Variants in TMPRSS9 observed in about 807,000 individuals in gnomAD.
TMPRSS9 encodes the protein transmembrane serine protease 9, also known as transmembrane protease serine 9.
Under a neutral mutation model 111.4 loss-of-function variants are expected in TMPRSS9, and 113 were observed. That is an observed-to-expected ratio of 1.01 (90% CI 0.87 to 1.19). The LOEUF (loss-of-function observed/expected upper bound fraction) is 1.19, where lower values mean the gene tolerates loss of function less well. Among genes scored for constraint, TMPRSS9 ranks in the 50% most tolerant of loss-of-function variants. TMPRSS9 has a pLI of 0.00. For synonymous variants in TMPRSS9, 805 were observed against 659.1 expected (o/e 1.22, Z -3.39); for missense variants, 1,803 against 1,513.1 (o/e 1.19, Z -3.18).
intron 7 of TMPRSS9, among the ~76,000 whole-genome samples, chr19:2,407,513 C>T (rs531498400): frequency 2.0e-5 from 3 of 151,288 alleles, no homozygotes; most frequent in African/African-American, 7.3e-5. Context: ...GGAGACAGAG[C>T]GAGACTCTGT....
exon 2 of TMPRSS9, chr19:2,396,615 G>T (rs1211921109): frequency 5.6e-6 from 9 of 1,603,914 alleles, no homozygotes; most frequent in Non-Finnish European, 7.7e-6. Flanking sequence ...GCAGTTTGCG[G>T]CGGGAGACCT....
chr19:2,410,667 G>A (rs545737759), intron 9 of TMPRSS9, among the ~76,000 whole-genome samples: 16 of 152,208 alleles, frequency 1.1e-4, no homozygotes, highest in Non-Finnish European at 2.2e-4. Flanking sequence ...TCCCTCCTCT[G>A]CCCTCCATGG....
rs371929865 is a variant in TMPRSS9, at chr19:2,425,460, C to T, written c.3087C>T (p.Ala1029=). 1.2e-4 allele frequency: 187 copies of T among 1,591,826 alleles called. No homozygotes were observed. In the African/African-American group the frequency reaches 2.1e-3, roughly 18 times the overall value. Residue 1029 remains alanine, a synonymous_variant, in exon 17 of 18, where the codon GCC becomes GCT. Transcript: ENST00000648592. ...AGATCAGCAGCCGCATGCTGTGTGCCGGCTTCCCGCAGGGTGGCGTGGACA... is the reference window on the plus strand; with the variant it reads ...AGATCAGCAGCCGCATGCTGTGTGCTGGCTTCCCGCAGGGTGGCGTGGACA...
upstream of TMPRSS9, among the ~76,000 whole-genome samples, chr19:2,388,039 A>G (rs753687626): frequency 2.7e-4 from 41 of 152,164 alleles, no homozygotes; most frequent in Non-Finnish European, 4.6e-4. Context: ...GGAGTTGTTG[A>G]TGAGTGTGAC....
intron 10 of TMPRSS9, 134 bp from the exon 12 acceptor site, chr19:2,415,536 C>G: frequency 2.3e-6 from 2 of 852,922 alleles, no homozygotes; most frequent in Non-Finnish European, 3.4e-6. Flanking sequence ...GCCTCCACGG[C>G]TTCTTGTGTG....
At chr19:2,417,207 T>A (rs1167344050) in intron 12 of TMPRSS9, among the ~76,000 whole-genome samples, 2 of 152,176 alleles carry the variant, frequency 1.3e-5, no homozygotes, top group Non-Finnish European at 2.9e-5. Context: ...GGCTCACACC[T>A]GTAATCCCAG....
chr19:2,425,117 A>G lies in TMPRSS9; in HGVS notation c.2833A>G (p.Thr945Ala), dbSNP rs149739898. ...CAAGCACCCGTTCTACAATCTCTAC[A>G]CGCTCGACTACGACGTGGCGCTGCT... The change falls in exon 16 of 18, where the codon ACG (threonine) becomes GCG (alanine). Residue 945 changes from threonine to alanine, a missense_variant. Physicochemically the swap from Thr to Ala is moderately conservative, Grantham distance 58. Coordinates refer to ENST00000648592, the Ensembl canonical transcript of TMPRSS9. 47 of 1,581,918 alleles carry G rather than the reference A, an allele frequency of 3.0e-5. No individual in the cohort carries two copies. The highest frequency in any genetic ancestry group is 8.1e-5 in the African/African-American group (6 of 73,960).
chr19:2,384,292 C>T (rs1970427179), intron 1 of TMPRSS9, among the ~76,000 whole-genome samples: 1 of 152,164 alleles, frequency 6.6e-6, no homozygotes, highest in Non-Finnish European at 1.5e-5. Flanking sequence ...AGGTGATCCC[C>T]CACCCTCTGC....
At chr19:2,379,626 T>TTTCTTTCC (rs1491356150) in intron 1 of TMPRSS9, among the ~76,000 whole-genome samples, 2 of 139,856 alleles carry the variant, frequency 1.4e-5, no homozygotes, top group Admixed American at 7.2e-5. Context: ...TCTTTCTTTC[T>TTTCTTTCC]TTCTTTCTTT....
rs755529506 is a variant in TMPRSS9, at chr19:2,425,444, G to A, written c.3071G>A (p.Ser1024Asn). The change falls in exon 17 of 18, where the codon AGC (serine) becomes AAC (asparagine). Residue 1024 changes from serine to asparagine, a missense_variant. Ser to Asn is a conservative substitution (Grantham distance 46). Transcript: ENST00000648592. ...CGCTTCTACCCAGTGCAGATCAGCA[G>A]CCGCATGCTGTGTGCCGGCTTCCCG... The A allele has an allele frequency of 3.1e-6, 5 of 1,591,684 alleles. No individual in the cohort carries two copies. In the South Asian group the frequency reaches 4.5e-5, roughly 14 times the overall value.
chr19:2,416,198 A>G, intron 11 of TMPRSS9: 1 of 427,502 alleles, frequency 2.3e-6, no homozygotes, highest in Non-Finnish European at 4.2e-6. Flanking sequence ...TGATGGTGCC[A>G]CTGCACTCCA....
chr19:2,405,438 G>T (rs757846099), exon 7 of TMPRSS9: 3 of 1,607,906 alleles, frequency 1.9e-6, no homozygotes, highest in Middle Eastern at 1.7e-4. Context: ...AAGCATCCCC[G>T]GGGGAGTTTC....
intron 1 of TMPRSS9, among the ~76,000 whole-genome samples, chr19:2,377,864 C>A (rs1306361616): frequency 6.8e-6 from 1 of 147,414 alleles, no homozygotes; most frequent in African/African-American, 2.5e-5. Flanking sequence ...AGATATGTGC[C>A]ACTATGCCTG....
chr19:2,405,076 C>A (rs1294920298), intron 6 of TMPRSS9, among the ~76,000 whole-genome samples: 2 of 151,932 alleles, frequency 1.3e-5, no homozygotes, highest in African/African-American at 4.8e-5. Flanking sequence ...ATATCCTATA[C>A]AAACATGTAC....
intron 10 of TMPRSS9, among the ~76,000 whole-genome samples, 194 bp from the exon 12 acceptor site, chr19:2,415,476 G>A (rs972235835): frequency 3.3e-5 from 5 of 152,198 alleles, no homozygotes; most frequent in Non-Finnish European, 5.9e-5. Context: ...TCCCCGAAGC[G>A]AGGCCACGAA....
intron 6 of TMPRSS9, 32 bp from the exon 8 acceptor site, chr19:2,405,341 TG>T: frequency 6.4e-7 from 1 of 1,557,796 alleles, no homozygotes; most frequent in East Asian, 2.5e-5. Context: ...CCTGCCTTCG[TG>T]GGGTCATGGC....
upstream of TMPRSS9, among the ~76,000 whole-genome samples, chr19:2,389,176 C>T (rs1228969721): frequency 2.5e-4 from 38 of 149,882 alleles, no homozygotes; most frequent in Middle Eastern, 6.8e-3. Flanking sequence ...CGGGTTCAAG[C>T]GATTCTCCTG....
At chr19:2,394,029 C>T (rs550963639) in intron 1 of TMPRSS9, among the ~76,000 whole-genome samples, 2 of 152,038 alleles carry the variant, frequency 1.3e-5, no homozygotes, top group East Asian at 1.9e-4. Context: ...GATGAAACCC[C>T]GTCTCTACTA....
intron 1 of TMPRSS9, among the ~76,000 whole-genome samples, chr19:2,361,814 T>C (rs1970201588): frequency 6.6e-6 from 1 of 152,194 alleles, no homozygotes; most frequent in Admixed American, 6.5e-5. Flanking sequence ...GTTCAGGCAC[T>C]GCCCCGCAGG....
Sources: gnomAD v4.1 joint callset for allele counts (sites outside exome capture counted in the v4.1 genomes callset) on GRCh38, gnomAD v4.1.1 for gene constraint, MANE v1.5 for transcripts, NCBI Gene and HGNC (gene_info 2026-07-23, HGNC 2026-07-21) for gene names.